The following PHF24 variants were observed in gnomAD, a reference collection of about 807,000 sequenced individuals.
PHF24 encodes the protein Galpha inhibitory interacting protein.
In PHF24, 25 loss-of-function variants were observed where a neutral mutation model predicts 42.6. The ratio of observed to expected loss-of-function variants is 0.59; its 90% CI spans 0.43 to 0.82. PHF24 has a LOEUF of 0.82. PHF24 is among the 40% of genes least tolerant of loss of function. PHF24 has a pLI of 0.00. For missense variants in PHF24, 470 were observed against 538.1 expected (o/e 0.87, Z 1.25); for synonymous variants, 185 against 204.8 (o/e 0.90, Z 0.83).
intron 7 of PHF24, 143 bp downstream of exon 7, chr9:34,977,784 C>A: frequency 1.3e-6 from 1 of 798,022 alleles, no homozygotes; most frequent in Non-Finnish European, 2.0e-6. Flanking sequence ...ACATTTGACC[C>A]AAGTCTATAG....
At chr9:34,694,468 T>C in the PHF24 span, among the ~76,000 whole-genome samples, 1 of 152,168 alleles carries the variant, frequency 6.6e-6, no homozygotes, top group African/African-American at 2.4e-5. Context: ...GTAGCTGGGA[T>C]TACAGGGACC....
chr9:34,699,253 T>C, the PHF24 span, among the ~76,000 whole-genome samples: 1 of 152,218 alleles, frequency 6.6e-6, no homozygotes, highest in Non-Finnish European at 1.5e-5. Flanking sequence ...ATGGAGATGT[T>C]CTCTACAAAC....
At chr9:34,753,275 T>C in the PHF24 span, among the ~76,000 whole-genome samples, 6 of 152,114 alleles carry the variant, frequency 3.9e-5, no homozygotes, top group African/African-American at 1.4e-4. Context: ...ACCAAAAAAC[T>C]ATTAGAGCTA....
the PHF24 span, chr9:34,832,728 T>C: frequency 1.3e-6 from 2 of 1,548,260 alleles, no homozygotes; most frequent in Non-Finnish European, 1.7e-6. Context: ...CACCAGCCCA[T>C]GTAAAACTTG....
the PHF24 span, among the ~76,000 whole-genome samples, chr9:34,742,944 GTAT>G: frequency 1.1e-4 from 1 of 8,804 alleles, no homozygotes; most frequent in Non-Finnish European, 5.2e-4. Context: ...ATTTGTTGAT[GTAT>G]TGTCTGTGGC....
chr9:34,898,329 A>G, the PHF24 span, among the ~76,000 whole-genome samples: 7 of 152,184 alleles, frequency 4.6e-5, no homozygotes, highest in African/African-American at 1.7e-4. Flanking sequence ...CATCCATGCC[A>G]ACATCTACTG....
the PHF24 span, among the ~76,000 whole-genome samples, chr9:34,871,582 T>G: frequency 1.3e-5 from 2 of 152,206 alleles, no homozygotes; most frequent in Non-Finnish European, 2.9e-5. Context: ...GTTTTATGTT[T>G]AGGTCTATGA....
At chr9:34,943,804 C>G in the PHF24 span, among the ~76,000 whole-genome samples, 1 of 152,188 alleles carries the variant, frequency 6.6e-6, no homozygotes. Flanking sequence ...ATTATTATAG[C>G]CTCTATTACA....
chr9:34,710,093 C>CCT, the PHF24 span: 1 of 1,606,678 alleles, frequency 6.2e-7, no homozygotes, highest in Non-Finnish European at 8.5e-7. Context: ...GAGTAAGAGG[C>CCT]CAGAGCTGAG....
chr9:34,793,885 G>A, the PHF24 span, among the ~76,000 whole-genome samples: 6 of 151,608 alleles, frequency 4.0e-5, no homozygotes, highest in African/African-American at 1.2e-4. Flanking sequence ...TAGAGGGCGG[G>A]GTGAACCCCT....
chr9:34,764,023 T>C, the PHF24 span, among the ~76,000 whole-genome samples: 1 of 151,946 alleles, frequency 6.6e-6, no homozygotes, highest in Non-Finnish European at 1.5e-5. Flanking sequence ...TATATTGAAC[T>C]AGCCTTGCAT....
At chr9:34,921,595 G>A in the PHF24 span, among the ~76,000 whole-genome samples, 1 of 152,174 alleles carries the variant, frequency 6.6e-6, no homozygotes, top group Admixed American at 6.5e-5. Flanking sequence ...AATGTGAACC[G>A]TTTCTGCCCT....
the PHF24 span, among the ~76,000 whole-genome samples, chr9:34,947,891 G>A: frequency 3.2e-4 from 48 of 152,066 alleles, no homozygotes; most frequent in Non-Finnish European, 5.9e-4. Flanking sequence ...GGCAGATCAC[G>A]AGGTCAGGAG....
the PHF24 span, among the ~76,000 whole-genome samples, chr9:34,746,017 C>A: frequency 6.6e-6 from 1 of 152,072 alleles, no homozygotes; most frequent in South Asian, 2.1e-4. Context: ...CTGAAGTGAG[C>A]CTGACATTTG....
At chr9:34,732,734 C>T in the PHF24 span, among the ~76,000 whole-genome samples, 1 of 152,082 alleles carries the variant, frequency 6.6e-6, no homozygotes, top group Non-Finnish European at 1.5e-5. Context: ...CTCAATACTC[C>T]TGTATCTTTC....
chr9:34,793,550 A>G, the PHF24 span, among the ~76,000 whole-genome samples: 14 of 152,190 alleles, frequency 9.2e-5, no homozygotes, highest in African/African-American at 3.4e-4. Context: ...AGAAGACCCA[A>G]GTTCAATAGA....
At chr9:34,735,662 G>T in the PHF24 span, among the ~76,000 whole-genome samples, 3 of 150,402 alleles carry the variant, frequency 2.0e-5, no homozygotes, top group African/African-American at 7.5e-5. Context: ...AGCTGGGCGC[G>T]GTGGCAGATG....
chr9:34,869,419 G>T, the PHF24 span, among the ~76,000 whole-genome samples: 5 of 152,098 alleles, frequency 3.3e-5, no homozygotes, highest in Non-Finnish European at 5.9e-5. Context: ...AGCATCTGTT[G>T]TTTCTTGACT....
At chr9:34,857,315 A>T in the PHF24 span, among the ~76,000 whole-genome samples, 1 of 152,192 alleles carries the variant, frequency 6.6e-6, no homozygotes, top group Admixed American at 6.5e-5. Flanking sequence ...CACGGACAGA[A>T]TTCCTGTCTT....
Sources: gnomAD v4.1 joint callset for allele counts (sites outside exome capture counted in the v4.1 genomes callset) on GRCh38, gnomAD v4.1.1 for gene constraint, MANE v1.5 for transcripts, NCBI Gene and HGNC (gene_info 2026-07-23, HGNC 2026-07-21) for gene names.